The following OTOP1 variants were observed in gnomAD, a reference collection of about 807,000 sequenced individuals.
OTOP1 encodes the protein otopetrin 1.
A neutral mutation model predicts 52.9 loss-of-function variants in OTOP1; 59 were observed. That is an observed-to-expected ratio of 1.12 (90% CI 0.91 to 1.39). The LOEUF (loss-of-function observed/expected upper bound fraction) is 1.39. OTOP1 is among the 40% of genes most tolerant of loss of function. OTOP1 has a pLI of 0.00. For missense variants in OTOP1, 761 were observed against 800.9 expected (o/e 0.95, Z 0.60); for synonymous variants, 317 against 337.7 (o/e 0.94, Z 0.67).
chr4:4,214,755 TC>T (rs1185795913), intron 1 of OTOP1, among the ~76,000 whole-genome samples: 1 of 151,996 alleles, frequency 6.6e-6, no homozygotes, highest in African/African-American at 2.4e-5. Context: ...GTAAGCAAAT[TC>T]ATAGACAGAA....
chr4:4,213,932 T>C (rs1043496963), intron 1 of OTOP1, among the ~76,000 whole-genome samples: 7 of 152,106 alleles, frequency 4.6e-5, no homozygotes, highest in Non-Finnish European at 1.0e-4. Flanking sequence ...CTACTAATAA[T>C]ACAAAAATTA....
At chr4:4,219,508 T>C (rs1343560719) in intron 1 of OTOP1, among the ~76,000 whole-genome samples, 7 of 151,958 alleles carry the variant, frequency 4.6e-5, no homozygotes, top group South Asian at 2.1e-4. Context: ...GAGACCATCC[T>C]GGCCAACACG....
intron 1 of OTOP1, among the ~76,000 whole-genome samples, chr4:4,221,286 A>G (rs111653708): frequency 6.6e-6 from 1 of 151,970 alleles, no homozygotes; most frequent in Non-Finnish European, 1.5e-5. Context: ...AGCCAGGCGT[A>G]GTAGCACACA....
At chr4:4,205,819 A>T (rs991687117) in intron 3 of OTOP1, among the ~76,000 whole-genome samples, 42 of 152,234 alleles carry the variant, frequency 2.8e-4, no homozygotes, top group African/African-American at 8.9e-4. Context: ...ACTGAGGGTC[A>T]TAACAGAAAA....
At chr4:4,217,655 A>C (rs1213850499) in intron 1 of OTOP1, among the ~76,000 whole-genome samples, 5 of 152,192 alleles carry the variant, frequency 3.3e-5, no homozygotes, top group Non-Finnish European at 7.3e-5. Flanking sequence ...TAAACATATA[A>C]AGAATGTCAG....
At chr4:4,196,900 G>C (rs1442546367) in intron 5 of OTOP1, among the ~76,000 whole-genome samples, 1 of 152,082 alleles carries the variant, frequency 6.6e-6, no homozygotes, top group African/African-American at 2.4e-5. Flanking sequence ...CTTATAAGTG[G>C]GAGCTTAACA....
At chr4:4,202,398 C>T in intron 4 of OTOP1, 50 bp downstream of exon 4, 2 of 1,608,504 alleles carry the variant, frequency 1.2e-6, no homozygotes, top group Non-Finnish European at 8.5e-7. Flanking sequence ...TGCAGGTTTC[C>T]AAGACATTCC....
chr4:4,216,042 G>A (rs907810839), intron 1 of OTOP1, among the ~76,000 whole-genome samples: 13 of 151,900 alleles, frequency 8.6e-5, no homozygotes, highest in East Asian at 1.9e-4. Flanking sequence ...CAAGTGGTCC[G>A]CCTGCCTCAG....
intron 1 of OTOP1, among the ~76,000 whole-genome samples, chr4:4,219,420 T>G (rs1344686038): frequency 1.3e-5 from 2 of 152,072 alleles, no homozygotes; most frequent in East Asian, 1.9e-4. Flanking sequence ...AAAGACAGAT[T>G]GCCGGGCGCG....
At chr4:4,219,687 ACT>A (rs1200915146) in intron 1 of OTOP1, among the ~76,000 whole-genome samples, 4 of 125,128 alleles carry the variant, frequency 3.2e-5, no homozygotes, top group African/African-American at 5.3e-5. Flanking sequence ...ACAGAGCGAG[ACT>A]CTGTCTCAAA....
At chr4:4,211,925 A>G (rs1228444097) in intron 2 of OTOP1, among the ~76,000 whole-genome samples, 1 of 152,228 alleles carries the variant, frequency 6.6e-6, no homozygotes, top group Non-Finnish European at 1.5e-5. Context: ...TATAGTTAAT[A>G]ATATTGTATT....
At chr4:4,200,789 C>G (rs1425301729) in intron 4 of OTOP1, among the ~76,000 whole-genome samples, 1 of 146,190 alleles carries the variant, frequency 6.8e-6, no homozygotes, top group African/African-American at 2.5e-5. Context: ...AATTCCTAGG[C>G]TGAAGCAATG....
In OTOP1 at chr4:4,198,107, G is replaced by T. The variant is rs1389031558; in HGVS notation, c.731-4C>A. 2 of 1,606,924 alleles carry T rather than the reference G, an allele frequency of 1.2e-6. No homozygotes were observed. The highest frequency in any genetic ancestry group is 1.7e-6 in the Non-Finnish European group (2 of 1,173,688). On this transcript the variant is annotated splice_polypyrimidine_tract_variant and splice_region_variant and intron_variant, in intron 4 of 5. Coordinates refer to ENST00000296358, the MANE Select transcript of OTOP1 (RefSeq NM_177998.3). The stretch of plus-strand genomic sequence containing the variant: ...TGCGGTGTGTGGTCATCTAAAACTA[G>T]GGGAGACAGGTAGATCACACAGGAG...
At chr4:4,215,825 G>T (rs1445873871) in intron 1 of OTOP1, among the ~76,000 whole-genome samples, 1 of 151,982 alleles carries the variant, frequency 6.6e-6, no homozygotes, top group African/African-American at 2.4e-5. Flanking sequence ...ACAGGGTCTT[G>T]TTCTGTCACC....
chr4:4,197,264 T>C lies in OTOP1; in HGVS notation c.1570A>G (p.Ser524Gly). Residue 524 changes from serine (S) to glycine (G), a missense_variant, in exon 5 of 6, where the codon AGC becomes GGC. By Grantham distance (56) the Ser-to-Gly change is moderately conservative (BLOSUM62 0). Coordinates refer to ENST00000296358, the MANE Select transcript of OTOP1 (RefSeq NM_177998.3). The part of the protein sequence containing the change: ...EKQEESSWGG[S>G]PSPVRLPRFL... ...CGGGGAAGGCGGACTGGGCTTGGGC[T>C]CCCTCCCCAGCTGCTCTCCTCCTGC... The C allele has an allele frequency of 2.5e-6, 4 of 1,614,150 alleles. No individual in the cohort carries two copies. Among genetic ancestry groups the C allele is most frequent in the Non-Finnish European group, 3.4e-6 (4 of 1,180,038 alleles).
Position 4,211,483 on chromosome 4 carries a change from C to T in OTOP1, c.540+1385G>A, listed in dbSNP as rs139550256. On this transcript the variant is annotated intron_variant, in intron 2 of 5. Transcript: ENST00000296358. Reference sequence around the variant, plus strand: ...TGAGGGCAGAGCCTGCCATTTGCAACAACATGGGCAAATCTGGAGGACATT... The same window carrying T: ...TGAGGGCAGAGCCTGCCATTTGCAATAACATGGGCAAATCTGGAGGACATT... Among the ~76,000 whole-genome samples the T allele has an allele frequency of 6.9e-3, 1,057 of 152,308 alleles. 6 individuals carry two copies. The highest frequency in any genetic ancestry group is 0.024 in the African/African-American group (1,013 of 41,562).
intron 1 of OTOP1, among the ~76,000 whole-genome samples, chr4:4,216,938 G>C (rs1717166129): frequency 6.6e-6 from 1 of 152,174 alleles, no homozygotes; most frequent in Non-Finnish European, 1.5e-5. Context: ...AAATTCCTGG[G>C]CTCCGCCTCC....
chr4:4,211,220 T>A (rs1717019154), intron 2 of OTOP1, among the ~76,000 whole-genome samples: 2 of 152,210 alleles, frequency 1.3e-5, no homozygotes, highest in African/African-American at 4.8e-5. Context: ...GAAGGTCACT[T>A]TGGATAAAAG....
intron 1 of OTOP1, among the ~76,000 whole-genome samples, chr4:4,222,300 G>A (rs1203922433): frequency 6.6e-6 from 1 of 152,166 alleles, no homozygotes; most frequent in Non-Finnish European, 1.5e-5. Flanking sequence ...AGGCTTCCCA[G>A]AGGAAATGAC....
Sources: allele counts gnomAD v4.1 joint callset (sites outside exome capture counted in the v4.1 genomes callset), GRCh38; gene constraint gnomAD v4.1.1; transcripts MANE v1.5; gene names NCBI Gene and HGNC (gene_info 2026-07-23, HGNC 2026-07-21).